The following NSD2 variants were observed in gnomAD, a reference collection of about 807,000 sequenced individuals.
NSD2 encodes nuclear receptor binding SET domain protein 2.
Under a neutral mutation model 139.0 loss-of-function variants are expected in NSD2, and 12 were observed. The observed-to-expected ratio is 0.09, with a 90% confidence interval of 0.06 to 0.14. The LOEUF (loss-of-function observed/expected upper bound fraction) is 0.14. NSD2 is among the 10% of genes least tolerant of loss of function. The probability of loss-of-function intolerance (pLI) is 1.00; values close to 1 mark genes in which losing one functional copy is unlikely to be tolerated. For synonymous variants in NSD2, 669 were observed against 648.7 expected, an observed-to-expected ratio of 1.03 and a Z score of -0.48; for missense variants, 1,155 against 1,745.0, an observed-to-expected ratio of 0.66 and a Z score of 6.02.
chr4:1,883,886 G>C (rs1714888743), intron 1 of NSD2, among the ~76,000 whole-genome samples: 1 of 152,220 alleles, frequency 6.6e-6, no homozygotes, highest in South Asian at 2.1e-4. Flanking sequence ...GCTGCCTCTT[G>C]TTCTCTGTTC....
chr4:1,963,584 A>T (rs1440884877), intron 18 of NSD2, among the ~76,000 whole-genome samples: 1 of 152,232 alleles, frequency 6.6e-6, no homozygotes, highest in Non-Finnish European at 1.5e-5. Flanking sequence ...TAAAAAAGAA[A>T]TGCCAGGTTG....
At chr4:1,914,879 G>C (rs980326751) in intron 3 of NSD2, among the ~76,000 whole-genome samples, 1 of 152,120 alleles carries the variant, frequency 6.6e-6, no homozygotes, top group Non-Finnish European at 1.5e-5. Context: ...GGTGTGCCCT[G>C]CTGTGGATGT....
At chr4:1,921,423 C>T (rs868366136) in intron 5 of NSD2, among the ~76,000 whole-genome samples, 41 of 152,060 alleles carry the variant, frequency 2.7e-4, no homozygotes, top group African/African-American at 8.5e-4. Context: ...CGTGCCACTG[C>T]ACTCCAGCCT....
rs1012408127 is a variant in NSD2 at position 1,958,918 on chromosome 4, G to A, written c.2986-553G>A. Among the ~76,000 whole-genome samples the A allele has an allele frequency of 9.9e-5, 15 of 152,210 alleles. No individual in the cohort carries two copies. The highest frequency in any genetic ancestry group is 3.6e-4 in the African/African-American group (15 of 41,454). ...GCATTTCTACCCCAGCTGATTTTCA[G>A]CTGTCTCTACTGCTTTGTTATTTGG... On this transcript the variant is annotated intron_variant, in intron 16 of 21. Transcript: ENST00000508803. This position sits in a 1 kb window ranked among gnomAD's most constrained non-coding sequence, Gnocchi z 4.6.
intron 5 of NSD2, among the ~76,000 whole-genome samples, chr4:1,922,368 A>G (rs1165184229): frequency 1.3e-5 from 2 of 152,246 alleles, no homozygotes; most frequent in Admixed American, 6.5e-5. Flanking sequence ...TGCGGAATCA[A>G]TATTACGAAA....
intron 9 of NSD2, chr4:1,944,798 C>T (rs1010538198): frequency 9.4e-7 from 1 of 1,063,794 alleles, no homozygotes; most frequent in Non-Finnish European, 1.1e-6. Context: ...TGGGCCTTTC[C>T]TCAGTGTTCA....
chr4:1,923,030 G>A (rs952396525), intron 5 of NSD2, among the ~76,000 whole-genome samples: 2 of 152,174 alleles, frequency 1.3e-5, no homozygotes, highest in Non-Finnish European at 2.9e-5. Flanking sequence ...AGCGCTGCAG[G>A]CCAGTTGCGT....
At chr4:1,913,523 A>G (rs1718962989) in intron 3 of NSD2, among the ~76,000 whole-genome samples, 1 of 152,244 alleles carries the variant, frequency 6.6e-6, no homozygotes, top group Non-Finnish European at 1.5e-5. Context: ...TCTAGATAGC[A>G]ATAGCAGAAT....
Position 1,935,125 on chromosome 4 carries a change from C to G in NSD2, c.1556-19C>G. 2 of 1,585,604 alleles carry G rather than the reference C, an allele frequency of 1.3e-6. No homozygotes were observed. The highest frequency in any genetic ancestry group is 1.7e-6 in the Non-Finnish European group (2 of 1,159,710). On this transcript the variant is annotated intron_variant, in intron 6 of 21. Transcript: ENST00000508803. ...TTGGAGTGGTTTTCATGTACATTTT[C>G]CCCATTCCCCATTCCAAGGTAATGT...
Position 1,927,720 on chromosome 4 carries a change from A to G in NSD2, c.1411-2906A>G, listed in dbSNP as rs541161049. ...GGCCACAATGAGACTCTTATCTCAG[A>G]AAAAAAAAAAAAAAAAAAAAAAAAA... On this transcript the variant is annotated intron_variant, in intron 5 of 21. Coordinates refer to ENST00000508803, the MANE Select transcript of NSD2 (RefSeq NM_001042424.3). 9.1e-3 allele frequency among the ~76,000 whole-genome samples: 693 copies of G among 76,114 alleles called. 6 individuals are homozygous for G. The highest frequency in any genetic ancestry group is 0.053 in the African/African-American group (474 of 8,980). The allele number at this position is 76,114 out of a possible 152,430, so 49.9% of individuals were successfully genotyped here.
chr4:1,943,735 A>G, intron 9 of NSD2: 1 of 1,057,220 alleles, frequency 9.5e-7, no homozygotes, highest in Middle Eastern at 4.3e-4. Context: ...TCAAAAAAAA[A>G]CCCCACGAAA....
chr4:1,889,570 C>T (rs907282949), intron 1 of NSD2, among the ~76,000 whole-genome samples: 11 of 151,912 alleles, frequency 7.2e-5, no homozygotes, highest in East Asian at 3.9e-4. Flanking sequence ...GGCACCATCT[C>T]GGCTTACTGT....
intron 1 of NSD2, among the ~76,000 whole-genome samples, chr4:1,879,161 A>G (rs1714516420): frequency 6.6e-6 from 1 of 152,124 alleles, no homozygotes; most frequent in Non-Finnish European, 1.5e-5. Flanking sequence ...TCTTTCCTTT[A>G]TGTATCTATG....
At position 1,880,832 on chromosome 4, in the gene NSD2, G is replaced by A. The variant is rs144929400; in HGVS notation, c.-30+9290G>A. ...AACATGGACTAATTTTTATTGTAGG[G>A]CTTATCTGTGTTTGTGTCAGATCAG... is the stretch of plus-strand genomic sequence containing the variant. On this transcript the variant is annotated intron_variant, in intron 1 of 21. Transcript: ENST00000508803. 3.2e-3 allele frequency among the ~76,000 whole-genome samples: 485 copies of A among 152,292 alleles called. 1 individual carries two copies. Among genetic ancestry groups the A allele is most frequent in the African/African-American group, 0.011 (443 of 41,558 alleles).
Position 1,956,723 on chromosome 4 carries a change from C to T in NSD2, c.2881+535C>T, listed in dbSNP as rs1724841108. Reference sequence around the variant, plus strand: ...CCCTTCACTGGAGGAACTGGAGGAACTGGTATTTATGATCGGTCAAGAGAG... The same window carrying T: ...CCCTTCACTGGAGGAACTGGAGGAATTGGTATTTATGATCGGTCAAGAGAG... On this transcript the variant is annotated intron_variant, in intron 15 of 21. Coordinates refer to ENST00000508803, the MANE Select transcript of NSD2 (RefSeq NM_001042424.3). The surrounding 1 kb of genome is among the most constrained non-coding windows in gnomAD (Gnocchi z 5.3). Among the ~76,000 whole-genome samples the T allele has an allele frequency of 6.6e-6, 1 of 152,180 alleles. No individual in the cohort carries two copies. The highest frequency in any genetic ancestry group is 1.5e-5 in the Non-Finnish European group (1 of 68,030).
At chr4:1,931,096 C>G (rs1363580769) in intron 6 of NSD2, among the ~76,000 whole-genome samples, 1 of 152,078 alleles carries the variant, frequency 6.6e-6, no homozygotes, top group Non-Finnish European at 1.5e-5. Context: ...GAGGGAAGGT[C>G]GTCTCTTGGA....
chr4:1,904,107 TG>T, intron 2 of NSD2, 108 bp from the exon 3 acceptor site: 2 of 1,218,784 alleles, frequency 1.6e-6, no homozygotes, highest in African/African-American at 1.5e-5. Context: ...ACTCCATTTT[TG>T]GGGGTCTGTG....
rs1560533913 is a variant in NSD2, at chr4:1,872,605, A to AGAGAGAGAGAGT, written c.-30+1074_-30+1075insTGAGAGAGAGAG. 3.8e-5 allele frequency among the ~76,000 whole-genome samples: 5 copies of AGAGAGAGAGAGT among 131,464 alleles called. No homozygotes were observed. In the East Asian group the frequency reaches 1.3e-3, roughly 33 times the overall value. 86.2% of individuals were successfully genotyped at this position (131,464 alleles called of 152,430 possible). A position where few individuals can be genotyped will look rare whatever the true frequency, so the allele number is the denominator to read the frequency against. ...GTGTGTGTGTGTGAGAGAGAGAGAG[A>AGAGAGAGAGAGT]GAGAGAGAGAGAGAGAGAGAGAGAG... On this transcript the variant is annotated intron_variant, in intron 1 of 21. Transcript: ENST00000508803.
At chr4:1,916,299 G>A (rs757021221) in intron 3 of NSD2, among the ~76,000 whole-genome samples, 12 of 152,144 alleles carry the variant, frequency 7.9e-5, no homozygotes, top group Non-Finnish European at 1.2e-4. Context: ...GGGAATAAAG[G>A]AGTGCATTTA....
Sources: allele counts gnomAD v4.1 joint callset (sites outside exome capture counted in the v4.1 genomes callset), GRCh38; gene constraint gnomAD v4.1.1; non-coding constraint Gnocchi (gnomAD v3.1); transcripts MANE v1.5; gene names NCBI Gene and HGNC (gene_info 2026-07-23, HGNC 2026-07-21).